Variants in SAMD12 observed in about 807,000 individuals in gnomAD.
SAMD12 encodes the protein sterile alpha motif domain containing 12.
Under a neutral mutation model 15.0 loss-of-function variants are expected in SAMD12, and 9 were observed. The ratio of observed to expected loss-of-function variants is 0.60; its 90% confidence interval spans 0.36 to 1.05. The LOEUF is 1.05. Ranked by LOEUF, SAMD12 falls within the 50% of genes least tolerant of loss-of-function variation. The pLI, the probability that SAMD12 is intolerant of heterozygous loss-of-function variation, is 0.01. For synonymous variants in SAMD12, 86 were observed against 90.1 expected (o/e 0.96, Z 0.25); for missense variants, 230 against 234.2 (o/e 0.98, Z 0.12).
At chr8:118,370,329 G>A (rs953377565) in intron 4 of SAMD12, among the ~76,000 whole-genome samples, 23 of 152,188 alleles carry the variant, frequency 1.5e-4, no homozygotes, top group African/African-American at 5.5e-4. Context: ...CTTTTACACT[G>A]TTGGTGGGAA....
At chr8:118,615,072 A>T (rs113250340) in intron 1 of SAMD12, among the ~76,000 whole-genome samples, 28 of 152,312 alleles carry the variant, frequency 1.8e-4, no homozygotes, top group African/African-American at 6.7e-4. Context: ...ATTTTACCAG[A>T]CATGAGTTAG....
At chr8:118,329,150 T>G (rs1284182130) in intron 4 of SAMD12, among the ~76,000 whole-genome samples, 1 of 152,042 alleles carries the variant, frequency 6.6e-6, no homozygotes, top group Non-Finnish European at 1.5e-5. Flanking sequence ...AATTAGGAAG[T>G]TGGGCAACAT....
chr8:118,140,136 G>A, the SAMD12 span, among the ~76,000 whole-genome samples: 3 of 152,142 alleles, frequency 2.0e-5, no homozygotes, highest in Non-Finnish European at 2.9e-5. Context: ...CTTCAAAAAT[G>A]GCACAATTGA....
intron 2 of SAMD12, among the ~76,000 whole-genome samples, chr8:118,456,247 C>A (rs985019136): frequency 7.9e-5 from 12 of 152,184 alleles, no homozygotes; most frequent in African/African-American, 2.9e-4. Flanking sequence ...GCTCTTTTCT[C>A]AGATGTTCTT....
rs1012774697 is a variant in SAMD12, at chr8:118,283,538, G to A, written c.434-85806C>T. Among the ~76,000 whole-genome samples, 5 of 152,162 alleles carry A rather than the reference G, an allele frequency of 3.3e-5. No homozygotes were observed. The East Asian group carries it at 9.7e-4, about 29-fold the overall frequency. On this transcript the variant is annotated intron_variant, in intron 4 of 4. Transcript: ENST00000409003. ...GTGGCCTTGTAATCCTCCTCTAATTGGCCATTCCCAATCTGAATCGGCACA... is the reference window on the plus strand; with the variant it reads ...GTGGCCTTGTAATCCTCCTCTAATTAGCCATTCCCAATCTGAATCGGCACA...
At chr8:118,177,613 T>C in the SAMD12 span, among the ~76,000 whole-genome samples, 1 of 152,062 alleles carries the variant, frequency 6.6e-6, no homozygotes, top group Non-Finnish European at 1.5e-5. Flanking sequence ...ATCCCAGCAT[T>C]TTGGGAGGCC....
At chr8:118,484,232 CG>C (rs1824214304) in intron 2 of SAMD12, among the ~76,000 whole-genome samples, 1 of 151,962 alleles carries the variant, frequency 6.6e-6, no homozygotes, top group African/African-American at 2.4e-5. Flanking sequence ...AATTCGTAAC[CG>C]ATCTATGATA....
intron 3 of SAMD12, among the ~76,000 whole-genome samples, chr8:118,435,651 A>G (rs1052326429): frequency 2.0e-5 from 3 of 152,222 alleles, no homozygotes; most frequent in African/African-American, 7.2e-5. Context: ...TTTGTTTAGA[A>G]TTTAAAGTTC....
intron 2 of SAMD12, among the ~76,000 whole-genome samples, chr8:118,497,046 A>G (rs892859637): frequency 6.6e-6 from 1 of 152,230 alleles, no homozygotes; most frequent in African/African-American, 2.4e-5. Flanking sequence ...CAGAATGGCT[A>G]TTACTAAAAA....
chr8:118,235,834 T>C (rs1271777748), intron 4 of SAMD12, among the ~76,000 whole-genome samples: 12 of 152,176 alleles, frequency 7.9e-5, no homozygotes, highest in African/African-American at 2.9e-4. Flanking sequence ...TTCATAAGAA[T>C]GTGTGGAGCT....
At position 118,342,028 on chromosome 8, in the gene SAMD12, G is replaced by C. The variant is rs956875338; in HGVS notation, c.433+37532C>G. On this transcript the variant is annotated intron_variant, in intron 4 of 4. Coordinates refer to the SAMD12 transcript ENST00000409003. ...TAAGAGGCCTGGTGTGGTGGCTTAT[G>C]CCTGTAATCCCAGCACTTTGGGAGG... Among the ~76,000 whole-genome samples, 14 of 152,294 alleles carry C rather than the reference G, an allele frequency of 9.2e-5. No individual in the cohort carries two copies. The East Asian group carries it at 2.3e-3, about 25-fold the overall frequency.
At chr8:118,320,671 G>T (rs193253682) in intron 4 of SAMD12, among the ~76,000 whole-genome samples, 1 of 133,786 alleles carries the variant, frequency 7.5e-6, no homozygotes, top group Admixed American at 7.3e-5. Context: ...CTGTCGTGGG[G>T]TGGGGGGGGT....
chr8:118,385,232 G>T (rs1488583723), intron 3 of SAMD12, among the ~76,000 whole-genome samples: 4 of 152,032 alleles, frequency 2.6e-5, no homozygotes, highest in Non-Finnish European at 5.9e-5. Flanking sequence ...AATTTAAATT[G>T]GTGAAGTGGA....
At chr8:118,361,828 T>C (rs1818513960) in intron 4 of SAMD12, among the ~76,000 whole-genome samples, 1 of 152,196 alleles carries the variant, frequency 6.6e-6, no homozygotes, top group African/African-American at 2.4e-5. Context: ...TCTTTTAAAT[T>C]GATGTAAGAG....
intron 4 of SAMD12, among the ~76,000 whole-genome samples, chr8:118,305,679 G>A (rs2130362448): frequency 6.6e-6 from 1 of 152,266 alleles, no homozygotes; most frequent in Admixed American, 6.5e-5. Context: ...CAGAAATAAT[G>A]TCTAGAAAGG....
chr8:118,262,512 A>G (rs1408563345), intron 4 of SAMD12, among the ~76,000 whole-genome samples: 3 of 152,112 alleles, frequency 2.0e-5, no homozygotes, highest in Admixed American at 6.6e-5. Flanking sequence ...TGCAGAACAG[A>G]TGGAACAGTA....
chr8:118,561,783 T>C (rs1461665837), intron 2 of SAMD12, among the ~76,000 whole-genome samples: 1 of 152,166 alleles, frequency 6.6e-6, no homozygotes, highest in Non-Finnish European at 1.5e-5. Flanking sequence ...ATCACATCAG[T>C]CTTAAAACTA....
At chr8:118,545,368 G>GAGGC (rs1338066334) in intron 2 of SAMD12, among the ~76,000 whole-genome samples, 1 of 152,158 alleles carries the variant, frequency 6.6e-6, no homozygotes, top group African/African-American at 2.4e-5. Flanking sequence ...TGGGGAGGCT[G>GAGGC]AGGCAGGAGA....
At chr8:118,170,329 G>C in the SAMD12 span, among the ~76,000 whole-genome samples, 1 of 152,074 alleles carries the variant, frequency 6.6e-6, no homozygotes, top group African/African-American at 2.4e-5. Flanking sequence ...CTTGAAAACT[G>C]ATATATCTTA....
Sources: allele counts gnomAD v4.1 joint callset (sites outside exome capture counted in the v4.1 genomes callset), GRCh38; gene constraint gnomAD v4.1.1; transcripts MANE v1.5; gene names NCBI Gene and HGNC (gene_info 2026-07-23, HGNC 2026-07-21).